PDE5A: variants seen among roughly 807,000 people sequenced by gnomAD.
PDE5A encodes the protein cGMP-specific 3',5'-cyclic phosphodiesterase.
In PDE5A, 67 loss-of-function variants were observed where a neutral mutation model predicts 110.2. The ratio of observed to expected loss-of-function variants is 0.61; its 90% CI spans 0.50 to 0.75. The LOEUF is 0.75. Among genes scored for constraint, PDE5A ranks in the 30% least tolerant of loss-of-function variants. PDE5A has a pLI of 0.00. For synonymous variants in PDE5A, 328 were observed against 351.2 expected, an observed-to-expected ratio of 0.93 and a Z score of 0.74; for missense variants, 862 against 1,045.1, an observed-to-expected ratio of 0.82 and a Z score of 2.42.
At position 119,498,641 on chromosome 4, in the gene PDE5A, A is replaced by G. The variant is rs762264354; in HGVS notation, c.2588T>C (p.Met863Thr). 13 of 1,613,886 alleles carry G rather than the reference A, an allele frequency of 8.1e-6. No homozygotes were observed. The Admixed American group carries it at 1.2e-4, about 14-fold the overall frequency. Residue 863 changes from methionine to threonine, a missense_variant, in exon 21 of 21, where the codon ATG (methionine) becomes ACG (threonine). By Grantham distance (81) the Met-to-Thr change is moderately conservative. Transcript: ENST00000354960. ...CTGGCCGCTTTCCCCATTAATCAGCATCTTCTCCTGCTGTTCTGCAAGGGC... is the reference window on the plus strand; with the variant it reads ...CTGGCCGCTTTCCCCATTAATCAGCGTCTTCTCCTGCTGTTCTGCAAGGGC... ...WQALAEQQEK[M>T]LINGESGQAK... is the part of the protein sequence containing the mutation.
intron 18 of PDE5A, among the ~76,000 whole-genome samples, chr4:119,503,181 G>A (rs950517618): frequency 3.9e-5 from 6 of 152,110 alleles, no homozygotes; most frequent in African/African-American, 1.4e-4. Flanking sequence ...TGTAGGAAGA[G>A]TTACTAGGCT....
chr4:119,558,363 A>C (rs533483380), intron 7 of PDE5A, among the ~76,000 whole-genome samples: 10 of 152,340 alleles, frequency 6.6e-5, no homozygotes, highest in Admixed American at 1.3e-4. Context: ...CGAATGAGCT[A>C]TACTTTTTAA....
At chr4:119,598,719 C>A (rs573743835) in intron 2 of PDE5A, among the ~76,000 whole-genome samples, 22 of 152,146 alleles carry the variant, frequency 1.4e-4, no homozygotes, top group African/African-American at 4.3e-4. Context: ...TGCCTGAGGG[C>A]GTTTTCCTGC....
chr4:119,548,951 A>G (rs1727238808), intron 9 of PDE5A: 1 of 152,238 alleles, frequency 6.6e-6, no homozygotes, highest in Admixed American at 6.5e-5. Context: ...GAATAGTGAT[A>G]TTGCCAAGTG....
At position 119,607,021 on chromosome 4, in the gene PDE5A, A is replaced by G. The variant is rs752541919; in HGVS notation, c.429T>C (p.His143=). Residue 143 remains histidine (H), a synonymous_variant, in exon 2 of 21, where the codon CAT becomes CAC. Coordinates refer to ENST00000354960, the MANE Select transcript of PDE5A (RefSeq NM_001083.4). ...GTCTTGAGCACTGGTCCCCTTCATC[A>G]TGATCAAACCTTGGAGGGGTTAGAG... ...QMPLTPPRFD[H]DEGDQCSRLL... The G allele has an allele frequency of 6.2e-7, 1 of 1,614,088 alleles. No individual in the cohort carries two copies. Among genetic ancestry groups the G allele is most frequent in the African/African-American group, 1.3e-5 (1 of 74,934 alleles).
rs3832310 is a variant in PDE5A, at chr4:119,525,713, GA to G, written c.1633-19del. On this transcript the variant is annotated intron_variant, in intron 11 of 20. Transcript: ENST00000354960. This position sits in a 1 kb window ranked among gnomAD's most constrained non-coding sequence, Gnocchi z 4.3. ...ACAGCAGCCTTGGGTAAGGAAAGAA[GA>G]AAAAAAAAAATGCTGTTAATTAAAG... 706,110 of 1,386,594 alleles carry G rather than the reference GA, an allele frequency of 0.51. 149,234 individuals carry two copies. The highest frequency in any genetic ancestry group is 0.58 in the African/African-American group (39,513 of 68,574). 85.9% of individuals were successfully genotyped at this position (1,386,594 alleles called of 1,614,324 possible). A position where few individuals can be genotyped will look rare whatever the true frequency, so the allele number is the denominator to read the frequency against.
Position 119,525,785 on chromosome 4 carries a change from C to T in PDE5A, c.1633-90G>A. 2 of 1,293,918 alleles carry T rather than the reference C, an allele frequency of 1.5e-6. No homozygotes were observed. Among genetic ancestry groups the T allele is most frequent in the Non-Finnish European group, 2.1e-6 (2 of 938,182 alleles). 80.2% of individuals were successfully genotyped at this position (1,293,918 alleles called of 1,614,324 possible). On this transcript the variant is annotated intron_variant, in intron 11 of 20. Coordinates refer to ENST00000354960, the MANE Select transcript of PDE5A (RefSeq NM_001083.4). The surrounding 1 kb of genome is among the most constrained non-coding windows in gnomAD (Gnocchi z 4.3). Reference sequence around the variant, plus strand: ...TTCTTGTTTTGCTGCAGAGAAATAGCATATTGTGGCTTTTTTTTCCTTTTT... The same window carrying T: ...TTCTTGTTTTGCTGCAGAGAAATAGTATATTGTGGCTTTTTTTTCCTTTTT...
chr4:119,526,834 A>G (rs1175073212), intron 11 of PDE5A, among the ~76,000 whole-genome samples: 4 of 152,144 alleles, frequency 2.6e-5, no homozygotes, highest in African/African-American at 9.6e-5. Context: ...TCTTCATTCA[A>G]GCTAAGAATT....
chr4:119,560,798 GA>G (rs138993130), intron 6 of PDE5A, among the ~76,000 whole-genome samples: 3,438 of 152,224 alleles, frequency 0.023, 134 homozygotes, highest in African/African-American at 0.078. Flanking sequence ...AAATAACTGT[GA>G]AAATTTTAAC....
At chr4:119,618,844 T>C (rs923820273) in intron 1 of PDE5A, among the ~76,000 whole-genome samples, 1 of 152,194 alleles carries the variant, frequency 6.6e-6, no homozygotes, top group Non-Finnish European at 1.5e-5. Flanking sequence ...TTGGCTGTTT[T>C]AGTTCTTATC....
intron 13 of PDE5A, 46 bp downstream of exon 13, chr4:119,520,889 C>A: frequency 6.6e-7 from 1 of 1,507,580 alleles, no homozygotes; most frequent in Non-Finnish European, 9.0e-7. Flanking sequence ...AATTTTACTA[C>A]TAAGCAACAA....
chr4:119,501,236 C>T lies in PDE5A; in HGVS notation c.2424G>A (p.Glu808=), dbSNP rs115920291. ...GCATACTTGGGATTTTGTTTTTCTTCTCCCTGTTCATTAGATCCTGAAAAT... is the reference window on the plus strand; with the variant it reads ...GCATACTTGGGATTTTGTTTTTCTTTTCCCTGTTCATTAGATCCTGAAAAT... The part of the protein sequence containing the change: ...NIEPTDLMNR[E]KKNKIPSMQV... Residue 808 remains glutamate (E), a synonymous_variant, in exon 20 of 21, where the codon GAG becomes GAA. Transcript: ENST00000354960. 1.7e-3 allele frequency: 2,723 copies of T among 1,607,706 alleles called. 35 individuals carry two copies. In the African/African-American group the frequency reaches 0.033, roughly 19 times the overall value.
chr4:119,615,611 A>C (rs1465164974), intron 1 of PDE5A, among the ~76,000 whole-genome samples: 1 of 65,872 alleles, frequency 1.5e-5, no homozygotes, highest in African/African-American at 5.2e-5. Flanking sequence ...ACTCCTACTA[A>C]GTTCAAAAAA....
At chr4:119,566,400 C>T (rs1727935331) in intron 4 of PDE5A, among the ~76,000 whole-genome samples, 1 of 152,106 alleles carries the variant, frequency 6.6e-6, no homozygotes, top group Non-Finnish European at 1.5e-5. Flanking sequence ...CTATGATATA[C>T]ACATAATTAC....
chr4:119,508,688 C>G (rs1315016689), intron 15 of PDE5A, among the ~76,000 whole-genome samples: 1 of 151,584 alleles, frequency 6.6e-6, no homozygotes, highest in African/African-American at 2.4e-5. Context: ...ATTTTAGATT[C>G]TAGGCTAAAC....
chr4:119,538,413 T>C (rs1726804767), intron 11 of PDE5A, among the ~76,000 whole-genome samples: 1 of 152,142 alleles, frequency 6.6e-6, no homozygotes, highest in South Asian at 2.1e-4. Context: ...AAATTTTCAT[T>C]AATCTCAACC....
At chr4:119,609,715 T>C (rs575990178) in intron 1 of PDE5A, among the ~76,000 whole-genome samples, 8 of 152,318 alleles carry the variant, frequency 5.3e-5, no homozygotes, top group Middle Eastern at 3.4e-3. Context: ...ATTGTAAATA[T>C]GGTGACTATA....
intron 13 of PDE5A, among the ~76,000 whole-genome samples, chr4:119,520,554 G>A (rs561500402): frequency 1.4e-3 from 216 of 152,180 alleles, no homozygotes; most frequent in Middle Eastern, 6.8e-3. Context: ...CAGGAACTAG[G>A]TGGTTTTTGA....
In PDE5A at chr4:119,561,734, T is replaced by G. The variant is rs572335740; in HGVS notation, c.1131+1099A>C. 1.3e-3 allele frequency among the ~76,000 whole-genome samples: 205 copies of G among 152,290 alleles called. 2 individuals are homozygous for G. The highest frequency in any genetic ancestry group is 4.8e-3 in the African/African-American group (199 of 41,560). On this transcript the variant is annotated intron_variant, in intron 6 of 20. Transcript: ENST00000354960. ...TAACTGATTGAAAAATATGAAATAGTATCTATGAAAATACTGATTACCTTT... is the reference window on the plus strand; with the variant it reads ...TAACTGATTGAAAAATATGAAATAGGATCTATGAAAATACTGATTACCTTT...
Sources: gnomAD v4.1 joint callset for allele counts (sites outside exome capture counted in the v4.1 genomes callset) on GRCh38, gnomAD v4.1.1 for gene constraint, Gnocchi (gnomAD v3.1) non-coding constraint, MANE v1.5 for transcripts, NCBI Gene and HGNC (gene_info 2026-07-23, HGNC 2026-07-21) for gene names.